TMEM266: variants seen among roughly 807,000 people sequenced by gnomAD.
The protein encoded by TMEM266 is transmembrane protein 266.
TMEM266 carries 33 observed loss-of-function variants against 50.5 expected under a neutral mutation model. The ratio of observed to expected loss-of-function variants is 0.65; its 90% CI spans 0.50 to 0.87. TMEM266 has a LOEUF of 0.87. Ranked by LOEUF, TMEM266 falls within the 40% of genes least tolerant of loss-of-function variation. The pLI is 0.00. For synonymous variants in TMEM266, 310 were observed against 292.3 expected (o/e 1.06, Z -0.62); for missense variants, 655 against 695.1 (o/e 0.94, Z 0.65).
chr15:76,068,675 G>A (rs1361449527), intron 1 of TMEM266, among the ~76,000 whole-genome samples: 1 of 152,212 alleles, frequency 6.6e-6, no homozygotes, highest in African/African-American at 2.4e-5. Flanking sequence ...GTGAGAAGGT[G>A]GCTGTCTGCA....
intron 1 of TMEM266, among the ~76,000 whole-genome samples, chr15:76,116,354 T>C (rs552982323): frequency 6.6e-6 from 1 of 152,322 alleles, no homozygotes; most frequent in East Asian, 1.9e-4. Flanking sequence ...GCACGCAGCC[T>C]CGCAGTGGCT....
rs759141753 is a variant in TMEM266, at chr15:76,204,066, G to T, written c.1347G>T (p.Glu449Asp). The change falls in exon 11 of 11, where the codon GAG (glutamate) becomes GAT (aspartate). Residue 449 changes from glutamate to aspartate, a missense_variant. Physicochemically the swap from Glu to Asp is conservative, Grantham distance 45 (BLOSUM62 2). Around this residue, in one of 3 missense-constraint regions of TMEM266, gnomAD observed 455 missense variants for 401.8 expected, o/e 1.13. Coordinates refer to ENST00000388942, the MANE Select transcript of TMEM266 (RefSeq NM_152335.3). ...AGGACCTGCTGTCCTCCCTGTCGGA[G>T]GACCCCTGCCCTTCCCAGAAGGCCT... 114 of 1,612,150 alleles carry T rather than the reference G, an allele frequency of 7.1e-5. No homozygotes were observed. Among genetic ancestry groups the T allele is most frequent in the Non-Finnish European group, 9.3e-5 (110 of 1,179,210 alleles).
At chr15:76,119,801 A>G (rs1393566626) in intron 1 of TMEM266, among the ~76,000 whole-genome samples, 1 of 152,160 alleles carries the variant, frequency 6.6e-6, no homozygotes, top group African/African-American at 2.4e-5. Context: ...AAGAAAAAGA[A>G]ATATTGTGAT....
At position 76,197,267 on chromosome 15, in the gene TMEM266, A is replaced by T. The variant is rs189195613; in HGVS notation, c.959-4935A>T. On this transcript the variant is annotated intron_variant, in intron 9 of 10. Coordinates refer to ENST00000388942, the MANE Select transcript of TMEM266 (RefSeq NM_152335.3). ...AGGAACCCCAGGGCTGTAGGACTAG[A>T]TCTGAAAGAGCCTCAGGCAAAGTAG... Among the ~76,000 whole-genome samples the T allele has an allele frequency of 6.9e-4, 105 of 152,322 alleles. 2 individuals are homozygous for T. The highest frequency in any genetic ancestry group is 2.2e-4 in the Non-Finnish European group (15 of 68,030).
intron 3 of TMEM266, among the ~76,000 whole-genome samples, chr15:76,145,162 A>G (rs2037738443): frequency 1.3e-5 from 2 of 152,302 alleles, no homozygotes; most frequent in South Asian, 4.1e-4. Flanking sequence ...TGCTGGCCGC[A>G]GTGTCGGCTT....
intron 1 of TMEM266, among the ~76,000 whole-genome samples, chr15:76,080,457 G>T (rs1262268011): frequency 1.3e-5 from 2 of 150,474 alleles, no homozygotes; most frequent in Non-Finnish European, 3.0e-5. Context: ...TCACTATGTT[G>T]GTCAGGTGGT....
At chr15:76,193,156 C>A (rs943437709) in intron 9 of TMEM266, among the ~76,000 whole-genome samples, 1 of 152,212 alleles carries the variant, frequency 6.6e-6, no homozygotes, top group Non-Finnish European at 1.5e-5. Context: ...ACAGGACTTA[C>A]GAGGAACCGA....
intron 1 of TMEM266, among the ~76,000 whole-genome samples, chr15:76,071,570 C>T (rs546232249): frequency 4.7e-4 from 71 of 152,326 alleles, no homozygotes; most frequent in African/African-American, 1.6e-3. Context: ...TGGAGATTCT[C>T]ATAAGGCCTC....
chr15:76,131,773 C>T (rs1596124261), intron 1 of TMEM266, among the ~76,000 whole-genome samples: 1 of 152,208 alleles, frequency 6.6e-6, no homozygotes, highest in South Asian at 2.1e-4. Flanking sequence ...TGGCTCTGAG[C>T]CTTTGTCCCT....
chr15:76,080,757 T>A (rs1401303388), intron 1 of TMEM266, among the ~76,000 whole-genome samples: 1 of 151,666 alleles, frequency 6.6e-6, no homozygotes, highest in Non-Finnish European at 1.5e-5. Context: ...GATTTTTTCT[T>A]TTTTTTTAGG....
chr15:76,162,290 C>A (rs1186752670), intron 5 of TMEM266, among the ~76,000 whole-genome samples: 1 of 152,168 alleles, frequency 6.6e-6, no homozygotes, highest in Non-Finnish European at 1.5e-5. Context: ...GCATGGAGAT[C>A]GAGTGACGAA....
At chr15:76,138,694 C>T (rs963083538) in intron 3 of TMEM266, among the ~76,000 whole-genome samples, 5 of 152,250 alleles carry the variant, frequency 3.3e-5, no homozygotes, top group African/African-American at 1.2e-4. Flanking sequence ...GACATTAGGG[C>T]TCTCCCTTTC....
In TMEM266 at chr15:76,204,096, C is replaced by T. The variant is rs770474754; in HGVS notation, c.1377C>T (p.Asp459=). 15 of 1,612,826 alleles carry T rather than the reference C, an allele frequency of 9.3e-6. No homozygotes were observed. The highest frequency in any genetic ancestry group is 4.2e-6 in the Non-Finnish European group (5 of 1,179,674). ...CCTGCCCTTCCCAGAAGGCCTTGGA[C>T]CCAGCCCCCCTCGCCCGGCCCAGCC... is the stretch of plus-strand genomic sequence containing the variant. The change falls in exon 11 of 11, where the codon GAC becomes GAT. Residue 459 remains aspartate (D), a synonymous_variant. Coordinates refer to ENST00000388942, the MANE Select transcript of TMEM266 (RefSeq NM_152335.3).
chr15:76,158,128 C>T (rs1300614739), intron 4 of TMEM266, among the ~76,000 whole-genome samples: 4 of 152,212 alleles, frequency 2.6e-5, no homozygotes, highest in African/African-American at 9.7e-5. Flanking sequence ...ACGTCTTGGC[C>T]TTCCATTCTC....
intron 1 of TMEM266, among the ~76,000 whole-genome samples, chr15:76,132,813 A>AATAATT (rs748559421): frequency 1.5e-5 from 2 of 135,024 alleles, no homozygotes; most frequent in African/African-American, 2.7e-5. Context: ...TAATAATAGT[A>AATAATT]ATTATTATTA....
At position 76,204,455 on chromosome 15, in the gene TMEM266, C is replaced by T. The variant is rs148365955; in HGVS notation, c.*140C>T. ...AGGGTGCTGCCTGCCTCCAGGGAGGCGACGCCAGGCCAGGAGGCCACAAGC... is the reference window on the plus strand; with the variant it reads ...AGGGTGCTGCCTGCCTCCAGGGAGGTGACGCCAGGCCAGGAGGCCACAAGC... On this transcript the variant is annotated 3_prime_UTR_variant, in exon 11 of 11. Transcript: ENST00000388942. The T allele has an allele frequency of 1.8e-3, 1,313 of 743,798 alleles. 11 individuals carry two copies. The East Asian group carries it at 0.022, about 12-fold the overall frequency. The allele number at this position is 743,798 out of a possible 1,614,324, so 46.1% of individuals were successfully genotyped here.
At chr15:76,166,695 A>G (rs1332817235) in intron 5 of TMEM266, among the ~76,000 whole-genome samples, 1 of 152,186 alleles carries the variant, frequency 6.6e-6, no homozygotes, top group East Asian at 1.9e-4. Flanking sequence ...TCAGCTAAGA[A>G]GAGTGTTGTT....
intron 9 of TMEM266, among the ~76,000 whole-genome samples, chr15:76,201,570 C>A (rs1233098998): frequency 6.6e-6 from 1 of 152,136 alleles, no homozygotes; most frequent in African/African-American, 2.4e-5. Flanking sequence ...GTTCCCACCC[C>A]CCTTGACATG....
At position 76,123,947 on chromosome 15, in the gene TMEM266, A is replaced by G. The variant is rs546388534; in HGVS notation, c.-96-10221A>G. Among the ~76,000 whole-genome samples, 14 of 152,288 alleles carry G rather than the reference A, an allele frequency of 9.2e-5. No individual in the cohort carries two copies. The South Asian group carries it at 2.9e-3, about 32-fold the overall frequency. Reference sequence around the variant, plus strand: ...AGGCTGGTCTCAAACTCCTAACCTCAGGTGATCTGCCCACCTCAGCCTCCC... The same window carrying G: ...AGGCTGGTCTCAAACTCCTAACCTCGGGTGATCTGCCCACCTCAGCCTCCC... On this transcript the variant is annotated intron_variant, in intron 1 of 10. Transcript: ENST00000388942.
Sources: gnomAD v4.1 joint callset for allele counts (sites outside exome capture counted in the v4.1 genomes callset) on GRCh38, gnomAD v4.1.1 for gene constraint, gnomAD v4.1.1 regional missense constraint, MANE v1.5 for transcripts, NCBI Gene and HGNC (gene_info 2026-07-23, HGNC 2026-07-21) for gene names.